CATSPERT: variants seen among roughly 807,000 people sequenced by gnomAD.
The protein encoded by CATSPERT is cation channel sperm-associated targeting subunit tau.
chr2:201,582,837 G>A, the CATSPERT span, among the ~76,000 whole-genome samples: 1 of 152,072 alleles, frequency 6.6e-6, no homozygotes, highest in Non-Finnish European at 1.5e-5. Context: ...GAATCCAGGT[G>A]CCTTCCTGCA....
the CATSPERT span, chr2:201,575,205 T>A: frequency 8.3e-7 from 1 of 1,210,150 alleles, no homozygotes; most frequent in East Asian, 2.6e-5. Flanking sequence ...ACAAATAATA[T>A]CAGAGTAAAG....
At chr2:201,493,132 G>C in the CATSPERT span, 1 of 1,526,324 alleles carries the variant, frequency 6.6e-7, no homozygotes, top group Non-Finnish European at 8.8e-7. Flanking sequence ...TTTTAAAAAG[G>C]ATTTTAACAT....
chr2:201,601,273 A>AGT, the CATSPERT span, among the ~76,000 whole-genome samples: 1,889 of 41,824 alleles, frequency 0.045, 37 homozygotes, highest in African/African-American at 0.088. Context: ...TAAGGATGAT[A>AGT]GTGTGTGTGT....
the CATSPERT span, chr2:201,575,203 T>C: frequency 2.5e-6 from 3 of 1,192,084 alleles, no homozygotes; most frequent in Non-Finnish European, 3.5e-6. Context: ...CTACAAATAA[T>C]ATCAGAGTAA....
At chr2:201,538,637 C>A in the CATSPERT span, among the ~76,000 whole-genome samples, 93,331 of 151,940 alleles carry the variant, frequency 0.61, 30,384 homozygotes, top group East Asian at 0.95. Flanking sequence ...CACCACAAAC[C>A]ACACCCATCT....
At chr2:201,514,103 C>T in the CATSPERT span, among the ~76,000 whole-genome samples, 1 of 151,970 alleles carries the variant, frequency 6.6e-6, no homozygotes, top group Non-Finnish European at 1.5e-5. Context: ...AAATTGTTTA[C>T]CTCAGGCTCC....
chr2:201,494,885 G>A, the CATSPERT span: 1 of 821,708 alleles, frequency 1.2e-6, no homozygotes, highest in East Asian at 3.3e-5. Context: ...CTCCACAAAG[G>A]GAGAAAATCA....
chr2:201,617,221 T>C, the CATSPERT span, among the ~76,000 whole-genome samples: 1 of 152,264 alleles, frequency 6.6e-6, no homozygotes, highest in African/African-American at 2.4e-5. Flanking sequence ...AAAGTTCATA[T>C]GGAACCAAAA....
the CATSPERT span, chr2:201,491,165 T>C: frequency 9.2e-6 from 14 of 1,514,914 alleles, no homozygotes; most frequent in East Asian, 2.5e-5. Context: ...AAAAACATTA[T>C]TACATGTATA....
chr2:201,504,508 G>A, the CATSPERT span, among the ~76,000 whole-genome samples: 4 of 152,110 alleles, frequency 2.6e-5, no homozygotes, highest in East Asian at 1.9e-4. Flanking sequence ...CCCTGCTTTC[G>A]CACCACTTCC....
At chr2:201,516,986 G>A in the CATSPERT span, among the ~76,000 whole-genome samples, 5 of 145,538 alleles carry the variant, frequency 3.4e-5, no homozygotes, top group Non-Finnish European at 7.5e-5. Flanking sequence ...ACCTCCTCCC[G>A]TGTACCTCCC....
chr2:201,487,558 C>G, the CATSPERT span: 5 of 1,483,830 alleles, frequency 3.4e-6, no homozygotes, highest in Non-Finnish European at 4.6e-6. Context: ...GCTGGCCTCA[C>G]ATATCATTCT....
At chr2:201,561,653 T>C in the CATSPERT span, among the ~76,000 whole-genome samples, 1 of 152,124 alleles carries the variant, frequency 6.6e-6, no homozygotes, top group Non-Finnish European at 1.5e-5. Flanking sequence ...ACGTGGATCA[T>C]TTGAGGTCAG....
the CATSPERT span, chr2:201,618,857 G>A: frequency 6.3e-7 from 1 of 1,593,774 alleles, no homozygotes; most frequent in Non-Finnish European, 8.6e-7. Flanking sequence ...GTGCCCTGCT[G>A]GCCCCGGTCC....
the CATSPERT span, among the ~76,000 whole-genome samples, chr2:201,541,535 A>T: frequency 0.011 from 15 of 1,380 alleles, no homozygotes; most frequent in Admixed American, 0.056. Context: ...ATGATTTTAT[A>T]TATATATATA....
the CATSPERT span, chr2:201,545,577 A>G: frequency 1.1e-5 from 15 of 1,427,358 alleles, no homozygotes; most frequent in Non-Finnish European, 1.2e-5. Context: ...CCTCTTCAGG[A>G]TGATTACTTT....
the CATSPERT span, chr2:201,619,135 C>T: frequency 1.2e-6 from 2 of 1,613,940 alleles, no homozygotes; most frequent in Non-Finnish European, 1.7e-6. Flanking sequence ...CTCCATCTCT[C>T]CATCTTCTGC....
chr2:201,515,450 G>A, the CATSPERT span, among the ~76,000 whole-genome samples: 1 of 151,698 alleles, frequency 6.6e-6, no homozygotes. Flanking sequence ...GGCCAGGCTG[G>A]TCTCGAACTC....
the CATSPERT span, among the ~76,000 whole-genome samples, chr2:201,617,572 G>T: frequency 1.3e-5 from 2 of 152,200 alleles, no homozygotes; most frequent in South Asian, 2.1e-4. Flanking sequence ...ATGGATTAAA[G>T]ACTTAAATGT....
Sources: allele counts gnomAD v4.1 joint callset (sites outside exome capture counted in the v4.1 genomes callset), GRCh38; gene constraint gnomAD v4.1.1; transcripts MANE v1.5; gene names NCBI Gene and HGNC (gene_info 2026-07-23, HGNC 2026-07-21).